The following GPATCH8 variants were observed in gnomAD, a reference collection of about 807,000 sequenced individuals.
GPATCH8 encodes G patch domain-containing protein 8.
Under a neutral mutation model 118.3 loss-of-function variants are expected in GPATCH8, and 18 were observed. That is an observed-to-expected ratio of 0.15 (90% CI 0.11 to 0.23). The LOEUF is 0.23. Among genes scored for constraint, GPATCH8 ranks in the 10% least tolerant of loss-of-function variants. GPATCH8 has a pLI of 1.00. For synonymous variants in GPATCH8, 659 were observed against 684.7 expected, an observed-to-expected ratio of 0.96 and a Z score of 0.59; for missense variants, 1,631 against 1,873.8, an observed-to-expected ratio of 0.87 and a Z score of 2.39.
chr17:44,457,011 C>T (rs1456332722), intron 3 of GPATCH8, among the ~76,000 whole-genome samples: 1 of 151,970 alleles, frequency 6.6e-6, no homozygotes, highest in Non-Finnish European at 1.5e-5. Context: ...TACAGGCACG[C>T]ACCACCACAC....
intron 3 of GPATCH8, among the ~76,000 whole-genome samples, chr17:44,447,702 T>C (rs990193312): frequency 8.6e-5 from 13 of 151,008 alleles, no homozygotes; most frequent in African/African-American, 3.2e-4. Context: ...CATAGCTCAC[T>C]TGCAGCCTCA....
chr17:44,418,219 GTGC>G (rs746456553), intron 6 of GPATCH8, among the ~76,000 whole-genome samples: 7 of 152,074 alleles, frequency 4.6e-5, no homozygotes, highest in Non-Finnish European at 8.8e-5. Flanking sequence ...TATAAAGGTG[GTGC>G]TGCTATTAAT....
Position 44,398,817 on chromosome 17 carries a change from G to A in GPATCH8, c.3260C>T (p.Ser1087Phe), listed in dbSNP as rs1228072069. ...CTCCAGTAGCAGTTTGGCAGTGACA[G>A]AGTTCTTGTCTTCAGGACTGCAGTC... ...EGDCSPEDKNSVTAKLLLEKI... is the reference protein window; with the variant it reads ...EGDCSPEDKNFVTAKLLLEKI... The change falls in exon 8 of 8, where the codon TCT (serine) becomes TTT (phenylalanine). Residue 1087 changes from serine (S) to phenylalanine (F), a missense_variant. Around this residue, in one of 8 missense-constraint regions of GPATCH8, gnomAD observed 922 missense variants for 879.7 expected, o/e 1.05. Coordinates refer to ENST00000591680, the MANE Select transcript of GPATCH8 (RefSeq NM_001002909.4). 2 of 1,613,940 alleles carry A rather than the reference G, an allele frequency of 1.2e-6. No individual in the cohort carries two copies. The highest frequency in any genetic ancestry group is 1.3e-5 in the African/African-American group (1 of 74,898).
At position 44,398,501 on chromosome 17, in the gene GPATCH8, C is replaced by CTGA; in HGVS notation, c.3573_3575dup (p.His1191dup). ...GGCCAGTTGTTTCCTCTGAAGGGAA[C>CTGA]TGATGCCCAAATAGGGCATCACTAC... On this transcript the variant is annotated inframe_insertion, in exon 8 of 8. Transcript: ENST00000591680. The CTGA allele has an allele frequency of 1.9e-6, 3 of 1,604,834 alleles. No individual in the cohort carries two copies. The highest frequency in any genetic ancestry group is 2.6e-6 in the Non-Finnish European group (3 of 1,175,594).
chr17:44,428,393 T>C (rs2050166184), intron 5 of GPATCH8, among the ~76,000 whole-genome samples: 1 of 151,836 alleles, frequency 6.6e-6, no homozygotes, highest in South Asian at 2.1e-4. Flanking sequence ...CTTGGGAGGC[T>C]GAGGCACGAG....
chr17:44,486,689 T>C (rs1043847748), intron 1 of GPATCH8: 7 of 152,180 alleles, frequency 4.6e-5, no homozygotes, highest in African/African-American at 1.7e-4. Flanking sequence ...TAGGCCACAC[T>C]GTAACAAGTA....
chr17:44,475,169 A>G (rs1247003384), intron 1 of GPATCH8, among the ~76,000 whole-genome samples: 2 of 149,064 alleles, frequency 1.3e-5, no homozygotes, highest in African/African-American at 4.9e-5. Context: ...ACCTGAGGTC[A>G]GGAATTCGAG....
At position 44,399,590 on chromosome 17, in the gene GPATCH8, G is replaced by C; in HGVS notation, c.2487C>G (p.His829Gln). 1 of 1,614,176 alleles carries C rather than the reference G, an allele frequency of 6.2e-7. No homozygotes were observed. ...CACTGTACTGGGATGGAGACTTCTG[G>C]TGCAGCCGGTGTGAGGAAGCATCAT... ...DSDDASSHRL[H>Q]QKSPSQYSEE... Residue 829 changes from histidine (H) to glutamine (Q), a missense_variant, in exon 8 of 8, where the codon CAC (histidine) becomes CAG (glutamine). His to Gln is a conservative substitution (Grantham distance 24). Coordinates refer to ENST00000591680, the MANE Select transcript of GPATCH8 (RefSeq NM_001002909.4).
At chr17:44,413,536 C>T (rs1167089021) in intron 6 of GPATCH8, among the ~76,000 whole-genome samples, 1 of 152,084 alleles carries the variant, frequency 6.6e-6, no homozygotes, top group Non-Finnish European at 1.5e-5. Context: ...GGCTGGAGTG[C>T]AGTGGCGCGA....
chr17:44,490,796 C>A (rs555545723), intron 1 of GPATCH8, among the ~76,000 whole-genome samples: 2 of 152,278 alleles, frequency 1.3e-5, no homozygotes, highest in East Asian at 3.9e-4. Context: ...ACCTGCTCTG[C>A]ATGTTATTAA....
At chr17:44,456,955 T>G (rs777921365) in intron 3 of GPATCH8, among the ~76,000 whole-genome samples, 6 of 152,072 alleles carry the variant, frequency 3.9e-5, no homozygotes, top group Non-Finnish European at 7.4e-5. Context: ...CCTCTACTGC[T>G]GGGTTCAAGT....
chr17:44,483,206 T>TATATATACACACAC (rs1555646852), intron 1 of GPATCH8, among the ~76,000 whole-genome samples: 2 of 77,492 alleles, frequency 2.6e-5, no homozygotes, highest in African/African-American at 1.0e-4. Flanking sequence ...TATATATATA[T>TATATATACACACAC]ATATATATAT....
chr17:44,406,691 G>A (rs1270807346), intron 6 of GPATCH8, among the ~76,000 whole-genome samples: 1 of 152,168 alleles, frequency 6.6e-6, no homozygotes, highest in African/African-American at 2.4e-5. Context: ...CCTGCTGAAA[G>A]TAGTATGTGA....
chr17:44,489,341 C>T (rs1156969252), intron 1 of GPATCH8, among the ~76,000 whole-genome samples: 1 of 151,392 alleles, frequency 6.6e-6, no homozygotes, highest in Admixed American at 6.6e-5. Context: ...TCCCCACCCC[C>T]TCTTTTTTGT....
At chr17:44,500,104 C>G (rs1487125281) in intron 1 of GPATCH8, among the ~76,000 whole-genome samples, 1 of 152,174 alleles carries the variant, frequency 6.6e-6, no homozygotes, top group East Asian at 1.9e-4. Flanking sequence ...CTCCCTTATT[C>G]TTTGTCACCT....
intron 1 of GPATCH8, among the ~76,000 whole-genome samples, chr17:44,483,197 A>ATATG (rs1422175347): frequency 1.2e-5 from 1 of 80,706 alleles, no homozygotes. Context: ...ATATATATAT[A>ATATG]TATATATATA....
intron 5 of GPATCH8, among the ~76,000 whole-genome samples, chr17:44,428,425 G>A (rs1387217505): frequency 2.0e-5 from 3 of 151,840 alleles, no homozygotes; most frequent in Non-Finnish European, 4.4e-5. Context: ...TCTGGGTGGT[G>A]GAGGTTGCAA....
intron 1 of GPATCH8, among the ~76,000 whole-genome samples, chr17:44,493,061 T>TTTTTTTG (rs914018376): frequency 2.7e-5 from 4 of 149,338 alleles, no homozygotes; most frequent in African/African-American, 9.9e-5. Context: ...TAGGTTTTTT[T>TTTTTTTG]TTTTTTTTTT....
chr17:44,467,047 T>C (rs748818856), intron 2 of GPATCH8: 3 of 882,992 alleles, frequency 3.4e-6, no homozygotes, highest in Non-Finnish European at 4.8e-6. Flanking sequence ...TGAAGCAGTA[T>C]GCTATTTCCA....
Sources: gnomAD v4.1 joint callset for allele counts (sites outside exome capture counted in the v4.1 genomes callset) on GRCh38, gnomAD v4.1.1 for gene constraint, gnomAD v4.1.1 regional missense constraint, MANE v1.5 for transcripts, NCBI Gene and HGNC (gene_info 2026-07-23, HGNC 2026-07-21) for gene names.